NRCAM: variants seen among roughly 807,000 people sequenced by gnomAD.
NRCAM encodes neuronal cell adhesion molecule, also known as NgCAM-related cell adhesion molecule.
Under a neutral mutation model 156.5 loss-of-function variants are expected in NRCAM, and 83 were observed. That is an observed-to-expected ratio of 0.53 (90% CI 0.44 to 0.64). NRCAM has a LOEUF of 0.64. NRCAM is among the 30% of genes least tolerant of loss of function. The probability of loss-of-function intolerance (pLI) is 0.00; values close to 1 mark genes in which losing one functional copy is unlikely to be tolerated. For missense variants in NRCAM, 1,417 were observed against 1,597.3 expected (o/e 0.89, Z 1.92); for synonymous variants, 538 against 563.9 (o/e 0.95, Z 0.65).
chr7:108,283,290 T>G (rs927292150), intron 3 of NRCAM, among the ~76,000 whole-genome samples: 4 of 152,212 alleles, frequency 2.6e-5, no homozygotes, highest in Non-Finnish European at 4.4e-5. Context: ...TCTGCAAATA[T>G]GATTTGTGTG....
At position 108,152,413 on chromosome 7, in the gene NRCAM, G is replaced by C. The variant is rs563327959; in HGVS notation, c.3678-2266C>G. Reference sequence around the variant, plus strand: ...GAACACTAAGGAGCTTGGTGTGGCTGGGGGGAGGGAGAGAGAGAGAGAGAA... The same window carrying C: ...GAACACTAAGGAGCTTGGTGTGGCTCGGGGGAGGGAGAGAGAGAGAGAGAA... On this transcript the variant is annotated intron_variant, in intron 32 of 32. Coordinates refer to ENST00000379028, the MANE Select transcript of NRCAM (RefSeq NM_001037132.4). 2.6e-5 allele frequency among the ~76,000 whole-genome samples: 4 copies of C among 152,028 alleles called. No individual in the cohort carries two copies. In the East Asian group the frequency reaches 5.8e-4, roughly 22 times the overall value.
chr7:108,276,457 T>A (rs925060969), intron 3 of NRCAM, among the ~76,000 whole-genome samples: 1 of 152,234 alleles, frequency 6.6e-6, no homozygotes, highest in Non-Finnish European at 1.5e-5. Flanking sequence ...TTAACTCTTC[T>A]TGTTGCATTG....
chr7:108,240,263 A>T (rs895712234), intron 3 of NRCAM, 93 bp from the exon 4 acceptor site: 20 of 448,974 alleles, frequency 4.5e-5, no homozygotes, highest in African/African-American at 4.0e-4. Context: ...CTAGCCGTGT[A>T]TTATACATGA....
intron 3 of NRCAM, among the ~76,000 whole-genome samples, chr7:108,299,126 G>GAAAA (rs1322786981): frequency 4.8e-5 from 3 of 62,290 alleles, no homozygotes; most frequent in African/African-American, 1.2e-4. Context: ...AAGAAAGAAA[G>GAAAA]AAAGAAAGAA....
intron 13 of NRCAM, among the ~76,000 whole-genome samples, chr7:108,203,730 G>A (rs1327675971): frequency 6.6e-6 from 1 of 152,118 alleles, no homozygotes; most frequent in African/African-American, 2.4e-5. Context: ...CAAACTTCAG[G>A]CACCTGGAGG....
chr7:108,161,098 T>C (rs1482999240), intron 30 of NRCAM, among the ~76,000 whole-genome samples: 1 of 152,250 alleles, frequency 6.6e-6, no homozygotes, highest in African/African-American at 2.4e-5. Flanking sequence ...GATTTGTTAT[T>C]CATCTCATTC....
intron 32 of NRCAM, among the ~76,000 whole-genome samples, chr7:108,153,222 A>G (rs762869756): frequency 6.6e-6 from 1 of 152,202 alleles, no homozygotes; most frequent in Non-Finnish European, 1.5e-5. Flanking sequence ...AACCAAATTT[A>G]GCAATCTATG....
intron 1 of NRCAM, among the ~76,000 whole-genome samples, chr7:108,452,408 TG>T (rs1554665624): frequency 1.5e-4 from 23 of 151,148 alleles, no homozygotes; most frequent in South Asian, 4.2e-4. Context: ...ATTAATGCTG[TG>T]GGGGGGGGAA....
At chr7:108,191,382 T>C in intron 18 of NRCAM, 99 bp from the exon 19 acceptor site, 1 of 948,252 alleles carries the variant, frequency 1.1e-6, no homozygotes, top group Non-Finnish European at 1.6e-6. Context: ...TTCAAGGTTA[T>C]AAAATTAAGC....
chr7:108,432,870 G>A (rs1277376474), intron 1 of NRCAM, among the ~76,000 whole-genome samples: 3 of 151,876 alleles, frequency 2.0e-5, no homozygotes, highest in Admixed American at 6.6e-5. Context: ...TCCAGCCTGG[G>A]TGACAGAGTG....
chr7:108,259,765 T>C (rs187079159), intron 3 of NRCAM, among the ~76,000 whole-genome samples: 109 of 152,302 alleles, frequency 7.2e-4, no homozygotes, highest in African/African-American at 2.5e-3. Flanking sequence ...ACACCACATG[T>C]TCTCACTTAT....
At chr7:108,325,460 G>A (rs973549072) in intron 2 of NRCAM, among the ~76,000 whole-genome samples, 4 of 151,812 alleles carry the variant, frequency 2.6e-5, no homozygotes, top group Admixed American at 1.3e-4. Flanking sequence ...CTGGATCTTG[G>A]AGTTCCAATC....
intron 3 of NRCAM, among the ~76,000 whole-genome samples, chr7:108,302,848 G>T (rs1412202417): frequency 6.6e-6 from 1 of 152,130 alleles, no homozygotes; most frequent in Non-Finnish European, 1.5e-5. Context: ...GTTCATAACT[G>T]AATATAATTC....
chr7:108,182,992 T>C, intron 22 of NRCAM, 72 bp from the exon 23 acceptor site: 1 of 1,234,846 alleles, frequency 8.1e-7, no homozygotes, highest in South Asian at 1.3e-5. Context: ...GAACAGCAAA[T>C]TCAATTCCCA....
intron 29 of NRCAM, among the ~76,000 whole-genome samples, chr7:108,167,414 C>A (rs117792943): frequency 0.024 from 3,729 of 152,226 alleles, 73 homozygotes; most frequent in Middle Eastern, 0.088. Context: ...CTCAAAAGAA[C>A]TGATACACAT....
intron 2 of NRCAM, among the ~76,000 whole-genome samples, chr7:108,367,750 G>C (rs1400356720): frequency 6.6e-6 from 1 of 152,082 alleles, no homozygotes; most frequent in Non-Finnish European, 1.5e-5. Context: ...AAATTTTTTT[G>C]AGAAGTTAAG....
At position 108,355,004 on chromosome 7, in the gene NRCAM, C is replaced by T. The variant is rs574918134; in HGVS notation, c.-173-42273G>A. Reference sequence around the variant, plus strand: ...CCAGGAATAAATATAATGAAAGATGCGCAAACCTATTGTGTAGAAAATTAT... The same window carrying T: ...CCAGGAATAAATATAATGAAAGATGTGCAAACCTATTGTGTAGAAAATTAT... On this transcript the variant is annotated intron_variant, in intron 2 of 32. Coordinates refer to ENST00000379028, the MANE Select transcript of NRCAM (RefSeq NM_001037132.4). 3.3e-5 allele frequency among the ~76,000 whole-genome samples: 5 copies of T among 152,098 alleles called. No homozygotes were observed. In the South Asian group the frequency reaches 1.0e-3, roughly 32 times the overall value.
Position 108,207,440 on chromosome 7 carries a change from G to C in NRCAM, c.1207+88C>G, listed in dbSNP as rs559966657. The C allele has an allele frequency of 1.2e-5, 17 of 1,387,740 alleles. No individual in the cohort carries two copies. In the South Asian group the frequency reaches 1.4e-4, roughly 12 times the overall value. The allele number at this position is 1,387,740 out of a possible 1,614,324, so 86.0% of individuals were successfully genotyped here. On this transcript the variant is annotated intron_variant, in intron 13 of 32. Transcript: ENST00000379028. ...CATGTGGCTTCCTTCCTTAACCTGA[G>C]TTATTTTTTTATCACCATTTATTCA... is the stretch of plus-strand genomic sequence containing the variant.
intron 28 of NRCAM, among the ~76,000 whole-genome samples, chr7:108,174,149 T>TA (rs2059590497): frequency 2.0e-5 from 3 of 152,212 alleles, no homozygotes; most frequent in Non-Finnish European, 4.4e-5. Flanking sequence ...TAGAAGTAAG[T>TA]TTACATCGCT....
Sources: gnomAD v4.1 joint callset for allele counts (sites outside exome capture counted in the v4.1 genomes callset) on GRCh38, gnomAD v4.1.1 for gene constraint, MANE v1.5 for transcripts, NCBI Gene and HGNC (gene_info 2026-07-23, HGNC 2026-07-21) for gene names.